NLGN1: variants seen among roughly 807,000 people sequenced by gnomAD.
The protein encoded by NLGN1 is neuroligin-1.
A neutral mutation model predicts 65.5 loss-of-function variants in NLGN1; 12 were observed. That is an observed-to-expected ratio of 0.18 (90% confidence interval 0.12 to 0.30). The LOEUF (loss-of-function observed/expected upper bound fraction) is 0.30. Ranked by LOEUF, NLGN1 falls within the 10% of genes least tolerant of loss-of-function variation. NLGN1 has a pLI of 1.00. For missense variants in NLGN1, 750 were observed against 1,007.1 expected (o/e 0.74, Z 3.46); for synonymous variants, 350 against 359.5 (o/e 0.97, Z 0.30).
At chr3:173,539,622 A>G (rs914534471) in intron 2 of NLGN1, among the ~76,000 whole-genome samples, 14 of 67,184 alleles carry the variant, frequency 2.1e-4, no homozygotes, top group African/African-American at 6.5e-4. Context: ...TATATTATAT[A>G]TTTATATATA....
At chr3:174,138,443 T>A (rs1034055406) in intron 4 of NLGN1, among the ~76,000 whole-genome samples, 2 of 150,886 alleles carry the variant, frequency 1.3e-5, no homozygotes, top group African/African-American at 4.9e-5. Flanking sequence ...CTTTTTTTTT[T>A]TTTTTTTGTG....
rs542341393 is a variant in NLGN1 at position 174,094,105 on chromosome 3, A to G, written c.647-181210A>G. ...GTATAGTATAGACTAGATTTAAAGAATTAGTGAGGCTAACCAAAAACTAGT... is the reference window on the plus strand; with the variant it reads ...GTATAGTATAGACTAGATTTAAAGAGTTAGTGAGGCTAACCAAAAACTAGT... On this transcript the variant is annotated intron_variant, in intron 4 of 6. Transcript: ENST00000457714. Among the ~76,000 whole-genome samples, 119 of 152,316 alleles carry G rather than the reference A, an allele frequency of 7.8e-4. 2 individuals are homozygous for G. In the South Asian group the frequency reaches 0.021, roughly 27 times the overall value.
chr3:174,243,983 T>A (rs73038899), intron 4 of NLGN1, among the ~76,000 whole-genome samples: 21,585 of 152,174 alleles, frequency 0.14, 1,634 homozygotes, highest in African/African-American at 0.17. Flanking sequence ...GACACTTCCA[T>A]CATTATAGGG....
At chr3:173,478,214 T>C (rs1726594010) in intron 2 of NLGN1, among the ~76,000 whole-genome samples, 1 of 152,192 alleles carries the variant, frequency 6.6e-6, no homozygotes, top group Non-Finnish European at 1.5e-5. Flanking sequence ...TATGGAGTAG[T>C]ATGCAGGCAT....
At chr3:174,278,169 T>G (rs1750933696) in intron 5 of NLGN1, among the ~76,000 whole-genome samples, 1 of 151,984 alleles carries the variant, frequency 6.6e-6, no homozygotes, top group Non-Finnish European at 1.5e-5. Flanking sequence ...ACACTAAATC[T>G]TTCTGCTGAT....
At chr3:173,651,928 G>A (rs968588352) in intron 3 of NLGN1, among the ~76,000 whole-genome samples, 19 of 152,188 alleles carry the variant, frequency 1.2e-4, no homozygotes, top group African/African-American at 4.6e-4. Flanking sequence ...GAGTAGTTGG[G>A]ATTACAGGCA....
chr3:174,035,053 GGGTC>G (rs1299283513), intron 4 of NLGN1, among the ~76,000 whole-genome samples: 6 of 152,056 alleles, frequency 3.9e-5, no homozygotes, highest in African/African-American at 7.2e-5. Flanking sequence ...TAATTATCAG[GGGTC>G]AAGAAGGATA....
intron 4 of NLGN1, among the ~76,000 whole-genome samples, chr3:174,086,886 A>T (rs1743517567): frequency 6.6e-6 from 1 of 152,184 alleles, no homozygotes; most frequent in South Asian, 2.1e-4. Context: ...CCCAAAGCCA[A>T]GATTCAGAAT....
intron 2 of NLGN1, among the ~76,000 whole-genome samples, chr3:173,492,437 T>C (rs1485639481): frequency 2.0e-5 from 3 of 151,816 alleles, no homozygotes; most frequent in Non-Finnish European, 4.4e-5. Context: ...ACTGCAGATA[T>C]ATATTTCTTA....
At chr3:173,483,828 C>T (rs1360920110) in intron 2 of NLGN1, among the ~76,000 whole-genome samples, 1 of 152,142 alleles carries the variant, frequency 6.6e-6, no homozygotes, top group Non-Finnish European at 1.5e-5. Context: ...CATCACATGT[C>T]ACTCCTCTAC....
chr3:173,751,619 G>C (rs1255169997), intron 3 of NLGN1, among the ~76,000 whole-genome samples: 3 of 152,012 alleles, frequency 2.0e-5, no homozygotes, highest in Non-Finnish European at 2.9e-5. Context: ...AGATTTCCAA[G>C]CAAGGATGAA....
chr3:174,006,612 C>T (rs572444460), intron 4 of NLGN1, among the ~76,000 whole-genome samples: 2 of 152,228 alleles, frequency 1.3e-5, no homozygotes, highest in East Asian at 3.9e-4. Flanking sequence ...TCTATCTATT[C>T]ATCTAGTAAT....
intron 4 of NLGN1, among the ~76,000 whole-genome samples, chr3:174,151,658 A>G (rs563628042): frequency 1.3e-5 from 2 of 152,148 alleles, no homozygotes; most frequent in African/African-American, 4.8e-5. Flanking sequence ...CTTGATACAG[A>G]TTTACTCAGA....
chr3:173,947,823 T>G (rs1376462650), intron 4 of NLGN1, among the ~76,000 whole-genome samples: 4 of 152,216 alleles, frequency 2.6e-5, no homozygotes, highest in Non-Finnish European at 5.9e-5. Context: ...TAGCCATACT[T>G]GGAATATACA....
intron 1 of NLGN1, among the ~76,000 whole-genome samples, chr3:173,411,615 T>TA (rs905890511): frequency 2.0e-5 from 3 of 152,120 alleles, no homozygotes; most frequent in African/African-American, 7.2e-5. Context: ...TGACTTTTCT[T>TA]AAAGCTTTTG....
chr3:173,494,800 CA>C (rs998976811), intron 2 of NLGN1, among the ~76,000 whole-genome samples: 9 of 151,594 alleles, frequency 5.9e-5, no homozygotes, highest in Non-Finnish European at 8.8e-5. Context: ...CTTATTTGAT[CA>C]TTTTTTTATA....
chr3:173,473,417 A>T (rs565154234), intron 2 of NLGN1, among the ~76,000 whole-genome samples: 5 of 152,188 alleles, frequency 3.3e-5, no homozygotes, highest in Non-Finnish European at 7.3e-5. Context: ...CCACTGTGGG[A>T]AATGAGCATT....
At chr3:174,256,513 A>T (rs1314436541) in intron 4 of NLGN1, among the ~76,000 whole-genome samples, 14 of 152,036 alleles carry the variant, frequency 9.2e-5, no homozygotes, top group African/African-American at 3.1e-4. Flanking sequence ...AATTATAGAC[A>T]TGAGTGCTTT....
chr3:173,516,661 G>C (rs1047126164), intron 2 of NLGN1, among the ~76,000 whole-genome samples: 4 of 152,100 alleles, frequency 2.6e-5, no homozygotes, highest in South Asian at 2.1e-4. Flanking sequence ...ACAAAGTCCA[G>C]GTTTCTCAAC....
Sources: gnomAD v4.1 joint callset for allele counts (sites outside exome capture counted in the v4.1 genomes callset) on GRCh38, gnomAD v4.1.1 for gene constraint, MANE v1.5 for transcripts, NCBI Gene and HGNC (gene_info 2026-07-23, HGNC 2026-07-21) for gene names.